PTPN9: variants seen among roughly 807,000 people sequenced by gnomAD.
PTPN9 encodes protein tyrosine phosphatase non-receptor type 9.
PTPN9 carries 26 observed loss-of-function variants against 69.8 expected under a neutral mutation model. The ratio of observed to expected loss-of-function variants is 0.37; its 90% CI spans 0.27 to 0.52. The LOEUF is 0.52. PTPN9 is among the 20% of genes least tolerant of loss of function. The pLI is 0.91. For synonymous variants in PTPN9, 274 were observed against 272.5 expected, an observed-to-expected ratio of 1.01 and a Z score of -0.05; for missense variants, 549 against 740.3, an observed-to-expected ratio of 0.74 and a Z score of 3.00.
rs2074537970 is a variant in PTPN9, at chr15:75,466,733, G to C, written c.*2036C>G. 6.6e-6 allele frequency: 1 copy of C among 152,200 alleles called. No individual in the cohort carries two copies. Among genetic ancestry groups the C allele is most frequent in the Admixed American group, 6.5e-5 (1 of 15,276 alleles). 9.4% of individuals were successfully genotyped at this position (152,200 alleles called of 1,614,324 possible). A position where few individuals can be genotyped will look rare whatever the true frequency, so the allele number is the denominator to read the frequency against. ...ATGCAGTGAAGAGACCACAGGCTTT[G>C]TAAGCAGACCAACTTGAGCTCGTTT... On this transcript the variant is annotated 3_prime_UTR_variant, in exon 13 of 13. Transcript: ENST00000618819.
At chr15:75,548,913 A>G (rs1165177555) in intron 1 of PTPN9, among the ~76,000 whole-genome samples, 1 of 152,042 alleles carries the variant, frequency 6.6e-6, no homozygotes, top group Non-Finnish European at 1.5e-5. Context: ...TCAGCCTCCC[A>G]AAGTACTGGG....
rs1345203160 is a variant in PTPN9, at chr15:75,463,921, T to C, written c.*4848A>G. On this transcript the variant is annotated 3_prime_UTR_variant, in exon 13 of 13. Transcript: ENST00000618819. ...GAGTAACCAAGGCCAGAGAGAAATC[T>C]AAGGACTAGGTTGGGAGCTATAGGA... 2 of 152,228 alleles carry C rather than the reference T, an allele frequency of 1.3e-5. No homozygotes were observed. Among genetic ancestry groups the C allele is most frequent in the Non-Finnish European group, 2.9e-5 (2 of 68,050 alleles). 9.4% of individuals were successfully genotyped at this position (152,228 alleles called of 1,614,324 possible).
intron 1 of PTPN9, among the ~76,000 whole-genome samples, chr15:75,537,764 A>AAAAAAAAAAAAAAAAAAAAC (rs2074990732): frequency 7.8e-6 from 1 of 127,568 alleles, no homozygotes; most frequent in Admixed American, 8.0e-5. Flanking sequence ...AAAAAAAAAA[A>AAAAAAAAAAAAAAAAAAAAC]AAAAAAAAAA....
rs2074547795 is a variant in PTPN9, at chr15:75,468,590, A to C, written c.*179T>G. The C allele has an allele frequency of 1.8e-6, 1 of 566,620 alleles. No individual in the cohort carries two copies. Among genetic ancestry groups the C allele is most frequent in the African/African-American group, 1.9e-5 (1 of 53,952 alleles). 35.1% of individuals were successfully genotyped at this position (566,620 alleles called of 1,614,324 possible). ...ATTGCTACTGGCCCTTTCTAGTGGC[A>C]ATTTCACCACATTTATCTAGCCAAA... On this transcript the variant is annotated 3_prime_UTR_variant, in exon 13 of 13. Transcript: ENST00000618819.
chr15:75,482,261 A>G (rs2074641662), intron 8 of PTPN9, among the ~76,000 whole-genome samples: 1 of 151,944 alleles, frequency 6.6e-6, no homozygotes, highest in Admixed American at 6.6e-5. Context: ...TGAAGGCAGC[A>G]TGCTCCTTAA....
In PTPN9 at chr15:75,549,008, G is replaced by C. The variant is rs568796803; in HGVS notation, c.64-21747C>G. ...GGGTCTCCCTCTGTAACCAAGGCTG[G>C]AGTGCAGTGGGGCAATCATAGTCCA... is the stretch of plus-strand genomic sequence containing the variant. On this transcript the variant is annotated intron_variant, in intron 1 of 12. Transcript: ENST00000618819. Among the ~76,000 whole-genome samples the C allele has an allele frequency of 1.5e-4, 23 of 151,900 alleles. 1 individual carries two copies. In the South Asian group the frequency reaches 4.6e-3, roughly 30 times the overall value.
intron 7 of PTPN9, among the ~76,000 whole-genome samples, chr15:75,497,447 G>A (rs1301504679): frequency 6.6e-6 from 1 of 152,140 alleles, no homozygotes; most frequent in Non-Finnish European, 1.5e-5. Flanking sequence ...AGCTATGACA[G>A]TGCCACTGCA....
intron 10 of PTPN9, 78 bp downstream of exon 10, chr15:75,473,611 C>A: frequency 7.9e-7 from 1 of 1,270,524 alleles, no homozygotes; most frequent in Non-Finnish European, 1.1e-6. Flanking sequence ...TTTCTAAAAG[C>A]TAAACTTCCC....
intron 8 of PTPN9, among the ~76,000 whole-genome samples, chr15:75,484,825 G>C (rs2074664730): frequency 6.6e-6 from 1 of 152,158 alleles, no homozygotes; most frequent in Admixed American, 6.5e-5. Context: ...CTATCACTGG[G>C]TGGGCAGTCT....
chr15:75,536,230 G>C (rs1342238177), intron 1 of PTPN9, among the ~76,000 whole-genome samples: 1 of 152,176 alleles, frequency 6.6e-6, no homozygotes, highest in Non-Finnish European at 1.5e-5. Context: ...TATTTGCTGA[G>C]GGCCCATTCT....
chr15:75,537,442 C>T (rs2074987585), intron 1 of PTPN9, among the ~76,000 whole-genome samples: 1 of 49,754 alleles, frequency 2.0e-5, no homozygotes, highest in Non-Finnish European at 3.3e-5. Flanking sequence ...AATATCTTCC[C>T]TAAAAAAAAA....
chr15:75,509,840 C>T (rs576530624), intron 5 of PTPN9, among the ~76,000 whole-genome samples: 2 of 151,996 alleles, frequency 1.3e-5, no homozygotes, highest in African/African-American at 4.8e-5. Context: ...AAAGATTAGC[C>T]GGGCATGGTG....
intron 1 of PTPN9, among the ~76,000 whole-genome samples, chr15:75,542,071 A>G (rs1326313549): frequency 6.9e-6 from 1 of 145,234 alleles, no homozygotes; most frequent in African/African-American, 2.7e-5. Flanking sequence ...TAAAATATAA[A>G]TCATTAATAG....
intron 5 of PTPN9, among the ~76,000 whole-genome samples, chr15:75,516,518 T>A (rs1440229302): frequency 1.3e-5 from 2 of 151,458 alleles, no homozygotes; most frequent in African/African-American, 4.8e-5. Flanking sequence ...TTCACCATGT[T>A]AGCCAAGATG....
At chr15:75,469,165 GA>G (rs756016605) in intron 12 of PTPN9, among the ~76,000 whole-genome samples, 182 bp from the exon 13 acceptor site, 1 of 152,232 alleles carries the variant, frequency 6.6e-6, no homozygotes, top group Non-Finnish European at 1.5e-5. Flanking sequence ...GGAGGCCAGA[GA>G]AATGAGAAGG....
chr15:75,526,899 G>A lies in PTPN9; in HGVS notation c.207+219C>T, dbSNP rs529432525. 1.9e-4 allele frequency among the ~76,000 whole-genome samples: 29 copies of A among 152,300 alleles called. 1 individual carries two copies. In the South Asian group the frequency reaches 5.8e-3, roughly 30 times the overall value. Reference sequence around the variant, plus strand: ...TCCTCCGTCTCAATCATTAGATGTGGCATCCTGGTCTACGATCAAAACTTA... The same window carrying A: ...TCCTCCGTCTCAATCATTAGATGTGACATCCTGGTCTACGATCAAAACTTA... On this transcript the variant is annotated intron_variant, in intron 2 of 12. Transcript: ENST00000618819.
In PTPN9 at chr15:75,520,523, CT is replaced by C. The variant is rs796980376; in HGVS notation, c.422+2597del. Among the ~76,000 whole-genome samples, 1,343 of 144,984 alleles carry C rather than the reference CT, an allele frequency of 9.3e-3. 20 individuals carry two copies. Among genetic ancestry groups the C allele is most frequent in the African/African-American group, 0.029 (1,172 of 39,920 alleles). The stretch of plus-strand genomic sequence containing the variant: ...ATATGTGTGTATATATATACATATA[CT>C]TTTTTTTTTTTGAGACAGAGTTCGC... On this transcript the variant is annotated intron_variant, in intron 4 of 12. Transcript: ENST00000618819.
intron 5 of PTPN9, among the ~76,000 whole-genome samples, chr15:75,514,031 G>A (rs758362955): frequency 6.6e-6 from 1 of 151,048 alleles, no homozygotes; most frequent in African/African-American, 2.4e-5. Flanking sequence ...CCTGGGAGGC[G>A]GAGGTTGCAG....
At chr15:75,542,514 G>A (rs1198371109) in intron 1 of PTPN9, among the ~76,000 whole-genome samples, 1 of 152,194 alleles carries the variant, frequency 6.6e-6, no homozygotes, top group East Asian at 1.9e-4. Context: ...CAGGAAACCA[G>A]GGTTGACCAA....
Sources: allele counts gnomAD v4.1 joint callset (sites outside exome capture counted in the v4.1 genomes callset), GRCh38; gene constraint gnomAD v4.1.1; transcripts MANE v1.5; gene names NCBI Gene and HGNC (gene_info 2026-07-23, HGNC 2026-07-21).